Variants in BTBD16 observed in about 807,000 individuals in gnomAD.
BTBD16 encodes BTB domain containing 16, also known as BTB/POZ domain-containing protein 16.
In BTBD16, 66 loss-of-function variants were observed where a neutral mutation model predicts 67.4. The observed-to-expected ratio is 0.98, with a 90% confidence interval of 0.80 to 1.20. BTBD16 has a LOEUF of 1.20. Among genes scored for constraint, BTBD16 ranks in the 50% most tolerant of loss-of-function variants. The pLI is 0.00. For missense variants in BTBD16, 634 were observed against 616.0 expected, an observed-to-expected ratio of 1.03 and a Z score of -0.31; for synonymous variants, 242 against 236.4, an observed-to-expected ratio of 1.02 and a Z score of -0.22.
intron 14 of BTBD16, among the ~76,000 whole-genome samples, chr10:122,336,072 T>C (rs1449947094): frequency 2.0e-5 from 3 of 152,204 alleles, no homozygotes; most frequent in African/African-American, 7.2e-5. Flanking sequence ...ATATGTCCCC[T>C]GGAGCAAGTC....
At chr10:122,276,732 C>A in intron 2 of BTBD16, 59 bp from the exon 3 acceptor site, 1 of 1,584,414 alleles carries the variant, frequency 6.3e-7, no homozygotes, top group South Asian at 1.1e-5. Context: ...TTTGGAAAAT[C>A]TGGCATTTAT....
chr10:122,336,810 T>A, intron 15 of BTBD16, 128 bp downstream of exon 15: 2 of 782,212 alleles, frequency 2.6e-6, no homozygotes, highest in Non-Finnish European at 3.8e-6. Flanking sequence ...TGGCTCAGTT[T>A]CTTAAGGATT....
intron 5 of BTBD16, 74 bp from the exon 6 acceptor site, chr10:122,289,835 G>T (rs1053891034): frequency 2.1e-5 from 20 of 960,034 alleles, no homozygotes; most frequent in Admixed American, 3.5e-5. Context: ...TCATGCCAGG[G>T]TGGTGGGTGC....
intron 13 of BTBD16, among the ~76,000 whole-genome samples, chr10:122,333,869 T>C (rs995135016): frequency 5.3e-5 from 8 of 152,208 alleles, no homozygotes; most frequent in African/African-American, 1.7e-4. Flanking sequence ...ACAATAGTTC[T>C]CGAGGTAGCC....
chr10:122,334,048 A>G (rs1373151108), intron 13 of BTBD16, among the ~76,000 whole-genome samples: 2 of 152,272 alleles, frequency 1.3e-5, no homozygotes, highest in Admixed American at 6.5e-5. Context: ...AATTGTTACT[A>G]GTAATTACTA....
intron 7 of BTBD16, 76 bp from the exon 8 acceptor site, chr10:122,297,692 T>C (rs1326743814): frequency 8.6e-6 from 13 of 1,514,760 alleles, no homozygotes; most frequent in Non-Finnish European, 7.3e-6. Context: ...TGGAGTTGAA[T>C]GAGAATCTCT....
At chr10:122,295,962 CT>C (rs144587384) in intron 7 of BTBD16, among the ~76,000 whole-genome samples, 4 of 151,738 alleles carry the variant, frequency 2.6e-5, no homozygotes, top group African/African-American at 9.7e-5. Context: ...CACCAATTTT[CT>C]TTTTTTTAAG....
intron 5 of BTBD16, among the ~76,000 whole-genome samples, chr10:122,288,762 C>T (rs2096368443): frequency 6.6e-6 from 1 of 152,048 alleles, no homozygotes; most frequent in Admixed American, 6.6e-5. Context: ...TCAGGAAAGC[C>T]CTCTCGGGGG....
chr10:122,319,390 G>A (rs965932856), intron 10 of BTBD16, among the ~76,000 whole-genome samples: 2 of 152,006 alleles, frequency 1.3e-5, no homozygotes, highest in African/African-American at 4.8e-5. Context: ...TTAATTTTGA[G>A]TTAAGTTTTA....
At chr10:122,330,305 G>T (rs1410881211) in intron 11 of BTBD16, among the ~76,000 whole-genome samples, 1 of 152,096 alleles carries the variant, frequency 6.6e-6, no homozygotes, top group Non-Finnish European at 1.5e-5. Flanking sequence ...AGGGACCTGG[G>T]AAGAGAGATC....
At chr10:122,327,977 C>T (rs1420604678) in intron 10 of BTBD16, among the ~76,000 whole-genome samples, 2 of 152,242 alleles carry the variant, frequency 1.3e-5, no homozygotes, top group Non-Finnish European at 2.9e-5. Flanking sequence ...CAGCACCCGG[C>T]TGTGGAGCGC....
chr10:122,325,669 T>C (rs929825721), intron 10 of BTBD16, among the ~76,000 whole-genome samples: 3 of 151,954 alleles, frequency 2.0e-5, no homozygotes, highest in African/African-American at 7.3e-5. Flanking sequence ...TTTGTATATA[T>C]AGATAGATAG....
chr10:122,322,049 CA>C (rs1004749051), intron 10 of BTBD16, among the ~76,000 whole-genome samples: 2 of 152,030 alleles, frequency 1.3e-5, no homozygotes, highest in Non-Finnish European at 2.9e-5. Flanking sequence ...CTTTTCATAT[CA>C]GATATTGATA....
chr10:122,271,703 G>A (rs11200522), intron 1 of BTBD16, among the ~76,000 whole-genome samples, 189 bp downstream of exon 1: 11,506 of 152,158 alleles, frequency 0.076, 722 homozygotes, highest in East Asian at 0.19. Context: ...GCTCCTGCCC[G>A]CCCACAGGGA....
At chr10:122,335,858 C>T (rs919127459) in intron 14 of BTBD16, among the ~76,000 whole-genome samples, 1 of 152,000 alleles carries the variant, frequency 6.6e-6, no homozygotes, top group Non-Finnish European at 1.5e-5. Context: ...CATAGAGGAG[C>T]TTTATTTTTT....
chr10:122,336,543 A>G lies in BTBD16; in HGVS notation c.1313A>G (p.Asn438Ser), dbSNP rs1212145552. ...TCTCCCTCTGCGGTCTACGAGCACA[A>G]CCACGTCAGCCTGCGAGCGGCACGC... is the stretch of plus-strand genomic sequence containing the variant. ...LESPSAVYEH[N>S]HVSLRAARLV... is the part of the protein sequence containing the mutation. Residue 438 changes from asparagine to serine, a missense_variant, in exon 15 of 16, where the codon AAC becomes AGC. Coordinates refer to ENST00000260723, the MANE Select transcript of BTBD16 (RefSeq NM_144587.5). 1 of 1,612,546 alleles carries G rather than the reference A, an allele frequency of 6.2e-7. No homozygotes were observed. Among genetic ancestry groups the G allele is most frequent in the Non-Finnish European group, 8.5e-7 (1 of 1,179,484 alleles).
intron 3 of BTBD16, among the ~76,000 whole-genome samples, chr10:122,280,555 A>C (rs996363118): frequency 8.0e-6 from 1 of 125,692 alleles, no homozygotes; most frequent in Non-Finnish European, 1.6e-5. Flanking sequence ...GGACCCCTAT[A>C]TTTTTATATT....
At chr10:122,302,533 G>T (rs2096396009) in intron 9 of BTBD16, among the ~76,000 whole-genome samples, 1 of 152,138 alleles carries the variant, frequency 6.6e-6, no homozygotes, top group Non-Finnish European at 1.5e-5. Flanking sequence ...CCTATAACCC[G>T]AGAAGTCTCG....
At chr10:122,283,104 G>A (rs1253180429) in intron 3 of BTBD16, among the ~76,000 whole-genome samples, 1 of 152,200 alleles carries the variant, frequency 6.6e-6, no homozygotes, top group Non-Finnish European at 1.5e-5. Context: ...AAGAGCAATG[G>A]GGAAACACTG....
Sources: allele counts gnomAD v4.1 joint callset (sites outside exome capture counted in the v4.1 genomes callset), GRCh38; gene constraint gnomAD v4.1.1; transcripts MANE v1.5; gene names NCBI Gene and HGNC (gene_info 2026-07-23, HGNC 2026-07-21).